FER: variants seen among roughly 807,000 people sequenced by gnomAD.
The protein encoded by FER is tyrosine-protein kinase Fer.
FER carries 63 observed loss-of-function variants against 111.0 expected under a neutral mutation model. The ratio of observed to expected loss-of-function variants is 0.57; its 90% CI spans 0.46 to 0.70. The LOEUF (loss-of-function observed/expected upper bound fraction) is 0.70, where lower values mean the gene tolerates loss of function less well. FER is among the 30% of genes least tolerant of loss of function. The probability of loss-of-function intolerance (pLI) is 0.00; values close to 1 mark genes in which losing one functional copy is unlikely to be tolerated. For missense variants in FER, 914 were observed against 954.0 expected (o/e 0.96, Z 0.55); for synonymous variants, 327 against 313.9 (o/e 1.04, Z -0.44).
intron 17 of FER, among the ~76,000 whole-genome samples, chr5:109,178,433 G>A (rs1020223512): frequency 6.6e-6 from 1 of 152,062 alleles, no homozygotes; most frequent in African/African-American, 2.4e-5. Context: ...AGAAGTGTAT[G>A]TAGCTATAAA....
At chr5:108,887,028 A>C (rs1747279935) in intron 9 of FER, among the ~76,000 whole-genome samples, 1 of 151,656 alleles carries the variant, frequency 6.6e-6, no homozygotes, top group Non-Finnish European at 1.5e-5. Context: ...TGTATGTTTA[A>C]ATATGCATAT....
chr5:109,010,568 T>C (rs1054137226), intron 13 of FER, among the ~76,000 whole-genome samples: 2 of 152,168 alleles, frequency 1.3e-5, no homozygotes, highest in Non-Finnish European at 2.9e-5. Flanking sequence ...CTCCTGTGGG[T>C]GATCCAAATT....
Position 109,093,279 on chromosome 5 carries a change from A to T in FER, c.1925-7117A>T, listed in dbSNP as rs1372556827. 2.6e-5 allele frequency among the ~76,000 whole-genome samples: 4 copies of T among 152,318 alleles called. No homozygotes were observed. The South Asian group carries it at 8.3e-4, about 32-fold the overall frequency. On this transcript the variant is annotated intron_variant, in intron 16 of 19. Coordinates refer to ENST00000281092, the MANE Select transcript of FER (RefSeq NM_005246.4). Reference sequence around the variant, plus strand: ...TATGTGGTTTTTACCACAATAAAAAAGTGAGAAAGAAGATTCTTGTTTATT... The same window carrying T: ...TATGTGGTTTTTACCACAATAAAAATGTGAGAAAGAAGATTCTTGTTTATT...
chr5:108,908,863 A>C (rs9326753), intron 10 of FER, among the ~76,000 whole-genome samples: 11,910 of 152,120 alleles, frequency 0.078, 560 homozygotes, highest in African/African-American at 0.14. Context: ...ACATGGAGAA[A>C]CCCTGTATCT....
At chr5:109,085,833 C>T (rs1777505956) in intron 16 of FER, among the ~76,000 whole-genome samples, 1 of 151,614 alleles carries the variant, frequency 6.6e-6, no homozygotes, top group Non-Finnish European at 1.5e-5. Flanking sequence ...CTCCTTTTCC[C>T]CTTATGATGT....
intron 16 of FER, among the ~76,000 whole-genome samples, chr5:109,090,474 G>C (rs1174546901): frequency 4.6e-5 from 7 of 152,000 alleles, no homozygotes; most frequent in African/African-American, 1.7e-4. Context: ...CCAATCAAAG[G>C]AGCAAAATAA....
chr5:108,860,747 A>G (rs1763437350), intron 5 of FER, among the ~76,000 whole-genome samples: 1 of 152,234 alleles, frequency 6.6e-6, no homozygotes, highest in African/African-American at 2.4e-5. Context: ...GTCTGTTTTC[A>G]CACTGCTATA....
chr5:108,843,250 C>CTTTTTTTTTTT (rs1313853237), intron 5 of FER, among the ~76,000 whole-genome samples: 1 of 152,132 alleles, frequency 6.6e-6, no homozygotes, highest in East Asian at 1.9e-4. Context: ...TAATTCATTC[C>CTTTTTTTTTTT]TTTTTTATGG....
chr5:109,164,785 A>G (rs1756362449), intron 17 of FER, among the ~76,000 whole-genome samples: 1 of 151,896 alleles, frequency 6.6e-6, no homozygotes, highest in South Asian at 2.1e-4. Context: ...CCTAATCCTT[A>G]TTTTCATGTA....
chr5:109,169,125 A>G (rs1476235432), intron 17 of FER, among the ~76,000 whole-genome samples: 1 of 152,212 alleles, frequency 6.6e-6, no homozygotes, highest in Non-Finnish European at 1.5e-5. Flanking sequence ...CACAAAATGA[A>G]TAACAATCAT....
At chr5:108,853,772 C>T (rs1435990148) in intron 5 of FER, among the ~76,000 whole-genome samples, 1 of 152,082 alleles carries the variant, frequency 6.6e-6, no homozygotes, top group Non-Finnish European at 1.5e-5. Flanking sequence ...CTTGGTAGTT[C>T]CTTTAAAACA....
In FER at chr5:108,785,556, GT is replaced by G. The variant is rs1290827147; in HGVS notation, c.-59-12565del. ...CAGGTGACATGGGCACCTGCTAGAA[GT>G]TTATGGCAGAGCTTTAGAAATTAAG... On this transcript the variant is annotated intron_variant, in intron 2 of 19. Coordinates refer to ENST00000281092, the MANE Select transcript of FER (RefSeq NM_005246.4). The G allele has an allele frequency of 1.2e-5, 6 of 516,018 alleles. No individual in the cohort carries two copies. The East Asian group carries it at 3.0e-4, about 26-fold the overall frequency. 32.0% of individuals were successfully genotyped at this position (516,018 alleles called of 1,614,324 possible).
chr5:108,858,888 T>A (rs1763256242), intron 5 of FER, among the ~76,000 whole-genome samples: 1 of 151,916 alleles, frequency 6.6e-6, no homozygotes, highest in Non-Finnish European at 1.5e-5. Context: ...GACATATAGC[T>A]TATTTCTGAT....
chr5:108,918,587 C>T (rs566654963), intron 10 of FER, among the ~76,000 whole-genome samples: 1 of 151,438 alleles, frequency 6.6e-6, no homozygotes, highest in South Asian at 2.1e-4. Flanking sequence ...CCCGGGTTCA[C>T]ACCATTCTCC....
intron 3 of FER, chr5:108,830,636 C>G (rs1759946630): frequency 6.6e-6 from 1 of 152,086 alleles, no homozygotes; most frequent in Non-Finnish European, 1.5e-5. Context: ...TTGTAATAGT[C>G]TAAGCCAGAG....
At chr5:108,999,060 A>C (rs1220835820) in intron 13 of FER, among the ~76,000 whole-genome samples, 1 of 152,116 alleles carries the variant, frequency 6.6e-6, no homozygotes, top group Admixed American at 6.5e-5. Flanking sequence ...CTAACATTTG[A>C]CTGTTCTTGC....
At chr5:109,029,555 G>A (rs1190843309) in intron 13 of FER, among the ~76,000 whole-genome samples, 4 of 150,160 alleles carry the variant, frequency 2.7e-5, no homozygotes, top group African/African-American at 7.4e-5. Flanking sequence ...GAGCCACTGT[G>A]CCCAGCCTTG....
intron 17 of FER, among the ~76,000 whole-genome samples, chr5:109,112,399 C>T (rs1006947457): frequency 2.0e-5 from 3 of 152,124 alleles, no homozygotes; most frequent in Non-Finnish European, 4.4e-5. Context: ...AATGCAGCCT[C>T]TCTATGTATC....
At chr5:108,927,548 C>G (rs901582475) in intron 10 of FER, among the ~76,000 whole-genome samples, 1 of 152,038 alleles carries the variant, frequency 6.6e-6, no homozygotes, top group Non-Finnish European at 1.5e-5. Context: ...CGTGAGCCAT[C>G]GCGCCCGGCG....
Sources: gnomAD v4.1 joint callset for allele counts (sites outside exome capture counted in the v4.1 genomes callset) on GRCh38, gnomAD v4.1.1 for gene constraint, MANE v1.5 for transcripts, NCBI Gene and HGNC (gene_info 2026-07-23, HGNC 2026-07-21) for gene names.